STK39: variants seen among roughly 807,000 people sequenced by gnomAD.
STK39 encodes the protein serine/threonine kinase 39.
Under a neutral mutation model 77.8 loss-of-function variants are expected in STK39, and 20 were observed. The ratio of observed to expected loss-of-function variants is 0.26; its 90% CI spans 0.18 to 0.37. The LOEUF (loss-of-function observed/expected upper bound fraction) is 0.37. Among genes scored for constraint, STK39 ranks in the 10% least tolerant of loss-of-function variants. STK39 has a pLI of 1.00. For synonymous variants in STK39, 246 were observed against 234.1 expected (o/e 1.05, Z -0.47); for missense variants, 479 against 656.5 (o/e 0.73, Z 2.95).
At chr2:168,189,524 C>T (rs994678747) in intron 1 of STK39, among the ~76,000 whole-genome samples, 2 of 151,910 alleles carry the variant, frequency 1.3e-5, no homozygotes, top group African/African-American at 4.8e-5. Flanking sequence ...ATTGTAATAA[C>T]TTTCAATGAT....
intron 17 of STK39, among the ~76,000 whole-genome samples, chr2:167,956,686 ACACACACACACT>A (rs1335359043): frequency 4.5e-5 from 2 of 44,722 alleles, no homozygotes; most frequent in East Asian, 3.7e-4. Flanking sequence ...ACACACACAC[ACACACACACACT>A]CTCTCTCTCT....
At chr2:168,082,508 T>C (rs568511276) in intron 10 of STK39, among the ~76,000 whole-genome samples, 1 of 152,364 alleles carries the variant, frequency 6.6e-6, no homozygotes, top group South Asian at 2.1e-4. Context: ...CATAACACTG[T>C]CTTGTAGACA....
At chr2:168,170,522 C>CTA (rs1218362524) in intron 2 of STK39, among the ~76,000 whole-genome samples, 1 of 152,212 alleles carries the variant, frequency 6.6e-6, no homozygotes, top group Non-Finnish European at 1.5e-5. Context: ...CAGCAATTTG[C>CTA]TAAGATGCAG....
chr2:168,089,156 C>A (rs958729797), intron 10 of STK39, among the ~76,000 whole-genome samples: 11 of 152,152 alleles, frequency 7.2e-5, no homozygotes, highest in Admixed American at 2.6e-4. Flanking sequence ...CAGTTTTGTG[C>A]CTGATTTTTC....
rs1685718246 is a variant in STK39, at chr2:168,063,570, C to T, written c.1306G>A (p.Gly436Ser). ...TAGTCTTCATTAGCATTGGGTGGGC[C>T]CTTTAAAAAGAAAACAGCAAACAGT... ...IQSLSVHDSQ[G>S]PPNANEDYRE... Residue 436 changes from glycine to serine, a missense_variant and splice_region_variant, in exon 14 of 18, where the codon GGC (glycine) becomes AGC (serine). Physicochemically the swap from Gly to Ser is moderately conservative, Grantham distance 56 (BLOSUM62 0). Transcript: ENST00000355999. 5 of 1,609,264 alleles carry T rather than the reference C, an allele frequency of 3.1e-6. No individual in the cohort carries two copies. The East Asian group carries it at 1.1e-4, about 36-fold the overall frequency.
chr2:168,142,278 G>T (rs992730615), intron 5 of STK39, among the ~76,000 whole-genome samples: 9 of 152,062 alleles, frequency 5.9e-5, no homozygotes, highest in African/African-American at 2.2e-4. Flanking sequence ...TACTATATCT[G>T]CTGGAAAAAA....
intron 1 of STK39, among the ~76,000 whole-genome samples, chr2:168,218,473 C>T (rs10195824): frequency 0.38 from 57,329 of 152,018 alleles, 11,882 homozygotes; most frequent in Non-Finnish European, 0.48. Flanking sequence ...CATAGGACAG[C>T]GGTATTTGCG....
Position 168,246,869 on chromosome 2 carries a change from CGGCCACG to C in STK39, c.208+352_208+358del, listed in dbSNP as rs1039762818. On this transcript the variant is annotated intron_variant, in intron 1 of 17. Transcript: ENST00000355999. ...CGCGGCTGCCTGTCCGCGTGGCCAC[CGGCCACG>C]GGCTGCGGTCCCGGCACGCGGGGGG... Among the ~76,000 whole-genome samples the C allele has an allele frequency of 2.3e-4, 35 of 151,890 alleles. 1 individual carries two copies. Among genetic ancestry groups the C allele is most frequent in the African/African-American group, 8.0e-4 (33 of 41,488 alleles).
intron 16 of STK39, among the ~76,000 whole-genome samples, chr2:167,985,418 TGTTACAAGGGTCATGCCAGG>T (rs1429978659): frequency 1.3e-5 from 2 of 152,198 alleles, no homozygotes; most frequent in African/African-American, 4.8e-5. Flanking sequence ...TATGTCCTGA[TGTTACAAGGGTCATGCCAGG>T]GTTCCCAACT....
chr2:168,148,191 T>G (rs1688191150), intron 5 of STK39, among the ~76,000 whole-genome samples: 9 of 152,254 alleles, frequency 5.9e-5, no homozygotes, highest in Admixed American at 5.9e-4. Context: ...CCATTTCTGC[T>G]TTAAGTTTAT....
intron 10 of STK39, among the ~76,000 whole-genome samples, chr2:168,077,007 A>G (rs1179504456): frequency 6.6e-6 from 1 of 152,232 alleles, no homozygotes; most frequent in Non-Finnish European, 1.5e-5. Context: ...TTATTTTCTT[A>G]GCAACGCTGA....
chr2:168,121,520 C>T (rs1244915282), intron 10 of STK39, among the ~76,000 whole-genome samples: 7 of 152,166 alleles, frequency 4.6e-5, no homozygotes. Context: ...AACATGAAGA[C>T]AGGTGAATAG....
intron 10 of STK39, among the ~76,000 whole-genome samples, chr2:168,114,587 G>A (rs978984747): frequency 6.6e-6 from 1 of 152,174 alleles, no homozygotes; most frequent in African/African-American, 2.4e-5. Flanking sequence ...CAGTGAGGCT[G>A]TAATCTCAAG....
intron 16 of STK39, among the ~76,000 whole-genome samples, chr2:167,990,794 A>T (rs1683681272): frequency 6.6e-6 from 1 of 152,226 alleles, no homozygotes; most frequent in Non-Finnish European, 1.5e-5. Context: ...ACTAGTCATT[A>T]TTCCAGTGCT....
intron 10 of STK39, among the ~76,000 whole-genome samples, chr2:168,121,056 A>C (rs1687392450): frequency 6.6e-6 from 1 of 152,184 alleles, no homozygotes; most frequent in Admixed American, 6.5e-5. Context: ...AGAATGACAA[A>C]TACGCTCCCA....
At chr2:168,128,561 G>C (rs551741439) in intron 10 of STK39, among the ~76,000 whole-genome samples, 6 of 152,332 alleles carry the variant, frequency 3.9e-5, no homozygotes, top group Admixed American at 3.9e-4. Context: ...TGGTCCAGGA[G>C]AGAAGCTCAG....
intron 15 of STK39, among the ~76,000 whole-genome samples, chr2:168,015,171 T>C (rs1684374133): frequency 6.6e-6 from 1 of 152,254 alleles, no homozygotes; most frequent in African/African-American, 2.4e-5. Context: ...CCCTGGTGCC[T>C]AAACAGGATA....
At position 168,132,105 on chromosome 2, in the gene STK39, T is replaced by C. The variant is rs184514636; in HGVS notation, c.975-2347A>G. On this transcript the variant is annotated intron_variant, in intron 8 of 17. Transcript: ENST00000355999. ...GAACATGTAGTAGAAACACTTTACA[T>C]TGGACTCAGAAATGGACCAAAATGT... Among the ~76,000 whole-genome samples the C allele has an allele frequency of 1.9e-4, 29 of 152,276 alleles. No homozygotes were observed. In the East Asian group the frequency reaches 3.3e-3, roughly 17 times the overall value.
chr2:167,993,178 G>A (rs1415541327), intron 16 of STK39, among the ~76,000 whole-genome samples: 1 of 152,216 alleles, frequency 6.6e-6, no homozygotes, highest in Non-Finnish European at 1.5e-5. Flanking sequence ...ACTATTTAAT[G>A]GGAGTACTAT....
Sources: allele counts gnomAD v4.1 joint callset (sites outside exome capture counted in the v4.1 genomes callset), GRCh38; gene constraint gnomAD v4.1.1; transcripts MANE v1.5; gene names NCBI Gene and HGNC (gene_info 2026-07-23, HGNC 2026-07-21).